DNAJB1: variants seen among roughly 807,000 people sequenced by gnomAD.
The protein encoded by DNAJB1 is dnaJ homolog subfamily B member 1.
DNAJB1 carries 14 observed loss-of-function variants against 24.0 expected under a neutral mutation model. The ratio of observed to expected loss-of-function variants is 0.58; its 90% CI spans 0.39 to 0.91. The LOEUF (loss-of-function observed/expected upper bound fraction) is 0.91. Among genes scored for constraint, DNAJB1 ranks in the 40% least tolerant of loss-of-function variants. The pLI, the probability that DNAJB1 is intolerant of heterozygous loss-of-function variation, is 0.00. For missense variants in DNAJB1, 517 were observed against 458.1 expected (o/e 1.13, Z -1.17); for synonymous variants, 262 against 174.4 (o/e 1.50, Z -3.96).
intron 1 of DNAJB1, among the ~76,000 whole-genome samples, chr19:14,547,104 G>A (rs77383291): frequency 1.4e-5 from 2 of 142,236 alleles, no homozygotes; most frequent in South Asian, 2.1e-4. Context: ...AGAAACCAAC[G>A]TCAAAGCAAA....
chr19:14,523,306 TATA>T (rs1002079253), upstream of DNAJB1, among the ~76,000 whole-genome samples: 4 of 152,072 alleles, frequency 2.6e-5, no homozygotes, highest in African/African-American at 9.7e-5. Flanking sequence ...AAATGAACAT[TATA>T]ATAACATTTT....
At chr19:14,533,346 G>A (rs1599409098), upstream of DNAJB1, among the ~76,000 whole-genome samples, 1 of 151,972 alleles carries the variant, frequency 6.6e-6, no homozygotes, top group Non-Finnish European at 1.5e-5. Flanking sequence ...CTTCAACCTG[G>A]GAGGTGGAGG....
At chr19:14,558,533 CCT>C (rs1192968332) in intron 1 of DNAJB1, among the ~76,000 whole-genome samples, 1 of 152,170 alleles carries the variant, frequency 6.6e-6, no homozygotes, top group Non-Finnish European at 1.5e-5. Context: ...GGTGAGAATT[CCT>C]CTCAGGCTAG....
intron 2 of DNAJB1, among the ~76,000 whole-genome samples, chr19:14,524,845 C>CAAA (rs71166750): frequency 1.8e-5 from 2 of 112,200 alleles, no homozygotes; most frequent in South Asian, 3.1e-4. Flanking sequence ...GACTCGTTCT[C>CAAA]AAAAAAAAAA....
intron 1 of DNAJB1, among the ~76,000 whole-genome samples, chr19:14,546,621 C>T (rs972737568): frequency 6.6e-6 from 1 of 152,178 alleles, no homozygotes; most frequent in African/African-American, 2.4e-5. Flanking sequence ...ACTACCGTGT[C>T]TAGCCTGGAT....
intron 1 of DNAJB1, among the ~76,000 whole-genome samples, chr19:14,535,501 C>T (rs1439772860): frequency 1.5e-3 from 96 of 63,030 alleles, no homozygotes; most frequent in African/African-American, 4.9e-3. Flanking sequence ...AGCGAGACTC[C>T]GTCTCAAAAA....
At chr19:14,530,746 T>C (rs1052020775), upstream of DNAJB1, 19 of 152,186 alleles carry the variant, frequency 1.2e-4, no homozygotes, top group African/African-American at 4.6e-4. Context: ...ATTTCTTGTT[T>C]CTCACTTCCC....
intron 1 of DNAJB1, among the ~76,000 whole-genome samples, chr19:14,539,386 G>C (rs115442730): frequency 6.6e-6 from 1 of 152,076 alleles, no homozygotes; most frequent in African/African-American, 2.4e-5. Context: ...TTTTTAACCT[G>C]TTGTGACAAA....
chr19:14,542,122 A>G (rs1373956574), intron 1 of DNAJB1, among the ~76,000 whole-genome samples: 1 of 151,778 alleles, frequency 6.6e-6, no homozygotes, highest in African/African-American at 2.4e-5. Flanking sequence ...GTTTTATTCA[A>G]TTACCTATGA....
intron 1 of DNAJB1, among the ~76,000 whole-genome samples, chr19:14,536,390 C>A (rs989071773): frequency 1.3e-5 from 2 of 151,952 alleles, no homozygotes; most frequent in Admixed American, 6.6e-5. Context: ...CTGCCTCAGC[C>A]TCCTGAGTAG....
intron 1 of DNAJB1, among the ~76,000 whole-genome samples, chr19:14,536,943 C>T (rs967516237): frequency 9.3e-6 from 1 of 107,206 alleles, no homozygotes; most frequent in African/African-American, 3.6e-5. Context: ...CCTCTGGACA[C>T]GGGGCAGATG....
At chr19:14,543,403 ATATATATATATATATATTTTTTTTTTT>A (rs1248345423) in intron 1 of DNAJB1, among the ~76,000 whole-genome samples, 1 of 9,792 alleles carries the variant, frequency 1.0e-4, no homozygotes, top group Admixed American at 1.1e-3. Flanking sequence ...ATATATATAT[ATATATATATATATATATTTTTTTTTTT>A]TTTTTTTTTT....
chr19:14,529,493 C>T, upstream of DNAJB1: 1 of 708,028 alleles, frequency 1.4e-6, no homozygotes, highest in African/African-American at 1.7e-5. Context: ...AGTCTTGGTT[C>T]GGACCGGCCC....
At chr19:14,541,555 G>A (rs1022625291) in intron 1 of DNAJB1, among the ~76,000 whole-genome samples, 1 of 152,150 alleles carries the variant, frequency 6.6e-6, no homozygotes, top group Admixed American at 6.6e-5. Flanking sequence ...GCTAAGAATC[G>A]TGGGATGAAC....
intron 1 of DNAJB1, among the ~76,000 whole-genome samples, chr19:14,543,756 T>C (rs978426858): frequency 5.7e-5 from 8 of 140,002 alleles, no homozygotes; most frequent in African/African-American, 2.2e-4. Flanking sequence ...ATTTTTAAAT[T>C]GAGACAGAGT....
In DNAJB1 at chr19:14,518,353, C is replaced by T. The variant is rs760608773; in HGVS notation, c.-4G>A. On this transcript the variant is annotated 5_prime_UTR_variant, in exon 1 of 3. Transcript: ENST00000254322. ...TCTGGTAGTAGTCTTTACCCATGACCCCCTCCTGCGGCCCGCCGACCCGCT... is the reference window on the plus strand; with the variant it reads ...TCTGGTAGTAGTCTTTACCCATGACTCCCTCCTGCGGCCCGCCGACCCGCT... The T allele has an allele frequency of 1.2e-5, 19 of 1,556,364 alleles. No homozygotes were observed. Among genetic ancestry groups the T allele is most frequent in the East Asian group, 7.0e-5 (3 of 43,008 alleles).
Position 14,516,893 on chromosome 19 carries a change from TCC to T in DNAJB1, c.363_364del (p.Glu122GlyfsTer6). ...TGGGTCATCAATGTCCATGCCTTCC[TCC>T]CCGTTCCGCTGCCCAAAAAAGGTGT... On this transcript the variant is annotated frameshift_variant, in exon 2 of 3. Transcript: ENST00000254322. LOFTEE classifies it high-confidence loss of function. The T allele has an allele frequency of 6.2e-7, 1 of 1,614,024 alleles. No individual in the cohort carries two copies. Among genetic ancestry groups the T allele is most frequent in the Non-Finnish European group, 8.5e-7 (1 of 1,180,002 alleles).
chr19:14,551,910 T>TCTCC (rs2073522944), upstream of DNAJB1, among the ~76,000 whole-genome samples: 1 of 140,394 alleles, frequency 7.1e-6, no homozygotes, highest in African/African-American at 2.6e-5. Flanking sequence ...TCTCTCTCTC[T>TCTCC]CCCCCTCCCT....
intron 1 of DNAJB1, among the ~76,000 whole-genome samples, chr19:14,545,387 C>T (rs956695636): frequency 1.3e-5 from 2 of 152,150 alleles, no homozygotes; most frequent in African/African-American, 4.8e-5. Flanking sequence ...CGGGCACACC[C>T]ACTGTGGCCC....
Sources: gnomAD v4.1 joint callset for allele counts (sites outside exome capture counted in the v4.1 genomes callset) on GRCh38, gnomAD v4.1.1 for gene constraint, MANE v1.5 for transcripts, NCBI Gene and HGNC (gene_info 2026-07-23, HGNC 2026-07-21) for gene names.